The following CPQ variants were observed in gnomAD, a reference collection of about 807,000 sequenced individuals.
The protein encoded by CPQ is Ser-Met dipeptidase.
Under a neutral mutation model 45.7 loss-of-function variants are expected in CPQ, and 37 were observed. That is an observed-to-expected ratio of 0.81 (90% CI 0.62 to 1.07). The LOEUF (loss-of-function observed/expected upper bound fraction) is 1.07, where lower values mean the gene tolerates loss of function less well. Among genes scored for constraint, CPQ ranks in the 50% least tolerant of loss-of-function variants. The pLI, the probability that CPQ is intolerant of heterozygous loss-of-function variation, is 0.00. For missense variants in CPQ, 537 were observed against 572.9 expected (o/e 0.94, Z 0.64); for synonymous variants, 186 against 205.8 (o/e 0.90, Z 0.82).
intron 5 of CPQ, among the ~76,000 whole-genome samples, chr8:97,024,381 C>T (rs1277714660): frequency 6.6e-6 from 1 of 152,082 alleles, no homozygotes; most frequent in Non-Finnish European, 1.5e-5. Flanking sequence ...CAAAAGGTAG[C>T]AGTTTGCAAG....
intron 6 of CPQ, among the ~76,000 whole-genome samples, chr8:97,050,807 C>T (rs1244493376): frequency 1.3e-5 from 2 of 152,182 alleles, no homozygotes; most frequent in Non-Finnish European, 2.9e-5. Context: ...CCTTTTCACT[C>T]TCAAAAGTTT....
chr8:96,947,390 G>A (rs960396997), intron 4 of CPQ, among the ~76,000 whole-genome samples: 2 of 151,960 alleles, frequency 1.3e-5, no homozygotes, highest in Non-Finnish European at 2.9e-5. Flanking sequence ...TTTTTCAAAT[G>A]TATCCCCATT....
intron 3 of CPQ, among the ~76,000 whole-genome samples, chr8:96,871,056 G>T (rs1008503672): frequency 4.6e-5 from 7 of 151,952 alleles, no homozygotes; most frequent in Non-Finnish European, 8.8e-5. Flanking sequence ...GATGCTGTTT[G>T]TATACATTAC....
intron 4 of CPQ, among the ~76,000 whole-genome samples, chr8:96,930,337 A>G (rs1295485870): frequency 1.3e-5 from 2 of 152,180 alleles, no homozygotes; most frequent in African/African-American, 4.8e-5. Context: ...GAAAGATTGA[A>G]AAGTTAATCC....
At chr8:97,069,550 T>C (rs1228624403) in intron 7 of CPQ, among the ~76,000 whole-genome samples, 3 of 151,872 alleles carry the variant, frequency 2.0e-5, no homozygotes, top group African/African-American at 7.2e-5. Flanking sequence ...AATGAATTTG[T>C]CTGAAAAAGA....
At chr8:96,916,031 G>A (rs1473753110) in intron 4 of CPQ, among the ~76,000 whole-genome samples, 2 of 152,158 alleles carry the variant, frequency 1.3e-5, no homozygotes, top group Non-Finnish European at 2.9e-5. Flanking sequence ...AGAGAGATCT[G>A]ATTCCTCTTA....
chr8:97,026,240 A>G lies in CPQ; in HGVS notation c.962-3163A>G, dbSNP rs140632815. On this transcript the variant is annotated intron_variant, in intron 5 of 7. Transcript: ENST00000220763. ...AATAAACAATTCTTGAAAACCTACT[A>G]TGTGCCAGGACTATGCTTGATATAC... Among the ~76,000 whole-genome samples the G allele has an allele frequency of 4.5e-3, 690 of 152,274 alleles. 8 individuals are homozygous for G. The highest frequency in any genetic ancestry group is 0.016 in the African/African-American group (661 of 41,540).
chr8:96,914,455 G>A (rs1262240580), intron 4 of CPQ, among the ~76,000 whole-genome samples: 1 of 152,154 alleles, frequency 6.6e-6, no homozygotes, highest in Non-Finnish European at 1.5e-5. Context: ...AATAAACACT[G>A]TGAGGTTGGC....
In CPQ at chr8:96,738,159, C is replaced by A. The variant is rs1400035673; in HGVS notation, c.-34-46705C>A. On this transcript the variant is annotated intron_variant, in intron 1 of 7. Coordinates refer to ENST00000220763, the MANE Select transcript of CPQ (RefSeq NM_016134.4). Reference sequence around the variant, plus strand: ...CTGAAATGTGGTTAATTTTTATAAACCGTGTGTGCTTGAAAAGAATGTGTA... The same window carrying A: ...CTGAAATGTGGTTAATTTTTATAAAACGTGTGTGCTTGAAAAGAATGTGTA... 2.1e-4 allele frequency among the ~76,000 whole-genome samples: 32 copies of A among 152,022 alleles called. 1 individual carries two copies. The highest frequency in any genetic ancestry group is 2.1e-3 in the Admixed American group (32 of 15,258).
intron 4 of CPQ, among the ~76,000 whole-genome samples, chr8:96,893,895 C>T (rs770988711): frequency 1.3e-5 from 2 of 151,936 alleles, no homozygotes; most frequent in South Asian, 2.1e-4. Flanking sequence ...AAGGTGGAGC[C>T]GAATTCTCTT....
intron 6 of CPQ, among the ~76,000 whole-genome samples, chr8:97,041,158 A>C (rs549810817): frequency 1.7e-3 from 261 of 152,124 alleles, no homozygotes; most frequent in South Asian, 4.8e-3. Context: ...CTTTTATTTC[A>C]TTGAGCAGGG....
chr8:96,914,182 G>C (rs1351434985), intron 4 of CPQ, among the ~76,000 whole-genome samples: 1 of 152,110 alleles, frequency 6.6e-6, no homozygotes, highest in Non-Finnish European at 1.5e-5. Flanking sequence ...TGAAGTTTTT[G>C]TTTGTGTTTT....
chr8:97,099,023 G>A (rs1039809741), intron 7 of CPQ, among the ~76,000 whole-genome samples: 3 of 150,328 alleles, frequency 2.0e-5, no homozygotes, highest in Middle Eastern at 3.4e-3. Context: ...AAAGCAACCC[G>A]GTATTTTTTT....
intron 1 of CPQ, among the ~76,000 whole-genome samples, chr8:96,717,484 G>A (rs1735022258): frequency 1.3e-5 from 2 of 152,068 alleles, no homozygotes; most frequent in Admixed American, 1.3e-4. Context: ...CTGAAGCTGG[G>A]TAATTTGATG....
chr8:97,000,187 T>C (rs984845757), intron 5 of CPQ, among the ~76,000 whole-genome samples: 1 of 152,132 alleles, frequency 6.6e-6, no homozygotes, highest in East Asian at 1.9e-4. Flanking sequence ...TTCTGCAGGT[T>C]GTCTGTTTAC....
chr8:97,022,316 T>C (rs1432551986), intron 5 of CPQ, among the ~76,000 whole-genome samples: 1 of 152,152 alleles, frequency 6.6e-6, no homozygotes, highest in Non-Finnish European at 1.5e-5. Flanking sequence ...TTCTAGACAT[T>C]GGCTTAGGCA....
chr8:97,011,871 T>C (rs1432157866), intron 5 of CPQ, among the ~76,000 whole-genome samples: 1 of 152,176 alleles, frequency 6.6e-6, no homozygotes. Context: ...ACTATGCCAT[T>C]ACTCTCATCC....
chr8:97,021,830 A>G (rs999761943), intron 5 of CPQ, among the ~76,000 whole-genome samples: 1 of 152,142 alleles, frequency 6.6e-6, no homozygotes, highest in African/African-American at 2.4e-5. Context: ...TCAAAATACC[A>G]CCATCATTCT....
intron 7 of CPQ, among the ~76,000 whole-genome samples, chr8:97,087,404 T>G (rs1472507830): frequency 6.8e-6 from 1 of 147,780 alleles, no homozygotes; most frequent in Non-Finnish European, 1.5e-5. Flanking sequence ...AGGTGCCGAC[T>G]TGGGGGGTCA....
Sources: gnomAD v4.1 joint callset for allele counts (sites outside exome capture counted in the v4.1 genomes callset) on GRCh38, gnomAD v4.1.1 for gene constraint, MANE v1.5 for transcripts, NCBI Gene and HGNC (gene_info 2026-07-23, HGNC 2026-07-21) for gene names.